The following PRKN variants were observed in gnomAD, a reference collection of about 807,000 sequenced individuals.
PRKN encodes parkin RBR E3 ubiquitin protein ligase.
PRKN carries 56 observed loss-of-function variants against 59.5 expected under a neutral mutation model. The observed-to-expected ratio is 0.94, with a 90% confidence interval of 0.76 to 1.18. The LOEUF is 1.18. Ranked by LOEUF, PRKN falls within the 50% of genes most tolerant of loss-of-function variation. The pLI is 0.00. For synonymous variants in PRKN, 250 were observed against 222.1 expected (o/e 1.13, Z -1.12); for missense variants, 657 against 596.4 (o/e 1.10, Z -1.06).
At chr6:162,357,316 G>T (rs1205377378) in intron 2 of PRKN, among the ~76,000 whole-genome samples, 1 of 152,090 alleles carries the variant, frequency 6.6e-6, no homozygotes, top group Non-Finnish European at 1.5e-5. Context: ...GGTCAAAAGA[G>T]TTAAGCAGAC....
intron 3 of PRKN, among the ~76,000 whole-genome samples, chr6:162,251,291 A>T (rs949056978): frequency 2.0e-4 from 30 of 152,302 alleles, no homozygotes; most frequent in South Asian, 8.3e-4. Context: ...AGACAGGAAA[A>T]CACTAGTACA....
Position 162,397,896 on chromosome 6 carries a change from G to T in PRKN, c.171+45414C>A, listed in dbSNP as rs142669505. On this transcript the variant is annotated intron_variant, in intron 2 of 11. Transcript: ENST00000366898. The stretch of plus-strand genomic sequence containing the variant: ...TAGTAAAAATACAAAAATTATCTGG[G>T]CATGGTGACTCCCACCTGTAAGCCA... 2.7e-4 allele frequency among the ~76,000 whole-genome samples: 41 copies of T among 152,028 alleles called. No homozygotes were observed. The East Asian group carries it at 7.8e-3, about 29-fold the overall frequency.
chr6:161,891,473 G>T (rs1290301369), intron 6 of PRKN, among the ~76,000 whole-genome samples: 1 of 152,154 alleles, frequency 6.6e-6, no homozygotes, highest in Admixed American at 6.5e-5. Context: ...GGTATCAAAG[G>T]TAAGTATTAG....
At chr6:161,843,973 C>T (rs184368978) in intron 6 of PRKN, among the ~76,000 whole-genome samples, 1 of 152,130 alleles carries the variant, frequency 6.6e-6, no homozygotes, top group Non-Finnish European at 1.5e-5. Flanking sequence ...TCCTCACCCT[C>T]TCTGTGAATT....
In PRKN at chr6:161,436,377, G is replaced by T. The variant is rs78308022; in HGVS notation, c.1084-49500C>A. Among the ~76,000 whole-genome samples, 1,138 of 125,748 alleles carry T rather than the reference G, an allele frequency of 9.0e-3. 14 individuals carry two copies. The highest frequency in any genetic ancestry group is 0.079 in the East Asian group (289 of 3,658). The allele number at this position is 125,748 out of a possible 152,430, so 82.5% of individuals were successfully genotyped here. A position where few individuals can be genotyped will look rare whatever the true frequency, so the allele number is the denominator to read the frequency against. ...TGCCCTCATCAGGTGGATTTCATTC[G>T]CTGGGATGGAAGAGGAGGCATGGCA... On this transcript the variant is annotated intron_variant, in intron 9 of 11. Transcript: ENST00000366898.
chr6:162,521,943 G>C (rs995925007), intron 1 of PRKN, among the ~76,000 whole-genome samples: 1 of 152,074 alleles, frequency 6.6e-6, no homozygotes, highest in African/African-American at 2.4e-5. Context: ...CAAATCATAG[G>C]AGGTTTGACG....
chr6:162,681,648 A>G (rs1403166426), intron 1 of PRKN, among the ~76,000 whole-genome samples: 2 of 152,152 alleles, frequency 1.3e-5, no homozygotes, highest in Non-Finnish European at 2.9e-5. Flanking sequence ...TGCAACTTTG[A>G]AACTTTAGCC....
intron 1 of PRKN, among the ~76,000 whole-genome samples, chr6:162,534,261 G>A (rs763022246): frequency 3.9e-5 from 6 of 152,106 alleles, no homozygotes; most frequent in Non-Finnish European, 8.8e-5. Flanking sequence ...CGGGGTAGGC[G>A]TACTCTCTAA....
At position 161,352,726 on chromosome 6, in the gene PRKN, A is replaced by AGTGTGTGTATGTGTGTGTGT. The variant is rs1554251118; in HGVS notation, c.1286-2516_1286-2515insACACACACACATACACACAC. On this transcript the variant is annotated intron_variant, in intron 11 of 11. Transcript: ENST00000366898. The surrounding 1 kb of genome is among the most constrained non-coding windows in gnomAD (Gnocchi z 5.8). Reference sequence around the variant, plus strand: ...TATATAAACACAAATATGTATGAAGAGTGTGTGTGTGTGTGTGTGTGTGTG... The same window carrying AGTGTGTGTATGTGTGTGTGT: ...TATATAAACACAAATATGTATGAAGAGTGTGTGTATGTGTGTGTGTGTGTGTGTGTGTGTGTGTGTGTGTG... 1.1e-4 allele frequency among the ~76,000 whole-genome samples: 14 copies of AGTGTGTGTATGTGTGTGTGT among 128,522 alleles called. No individual in the cohort carries two copies. The highest frequency in any genetic ancestry group is 1.5e-4 in the Admixed American group (2 of 13,144). 84.3% of individuals were successfully genotyped at this position (128,522 alleles called of 152,430 possible).
intron 4 of PRKN, among the ~76,000 whole-genome samples, chr6:162,188,777 CGTTT>C (rs904071649): frequency 5.7e-5 from 6 of 105,466 alleles, no homozygotes; most frequent in Non-Finnish European, 9.8e-5. Context: ...CCTTAGATTT[CGTTT>C]TTTTTTTTTT....
intron 9 of PRKN, among the ~76,000 whole-genome samples, chr6:161,521,710 T>C (rs1296608365): frequency 6.6e-6 from 1 of 152,154 alleles, no homozygotes; most frequent in East Asian, 1.9e-4. Context: ...GGTCTTCAGC[T>C]TGACCCATTT....
intron 1 of PRKN, chr6:162,624,261 A>C (rs906495010): frequency 6.6e-6 from 1 of 151,808 alleles, no homozygotes; most frequent in African/African-American, 2.4e-5. Flanking sequence ...AAAAAAAAAA[A>C]AACAAAAACC....
rs1779179714 is a variant in PRKN, at chr6:161,530,886, A to G, written c.1083+17968T>C. On this transcript the variant is annotated intron_variant, in intron 9 of 11. Coordinates refer to ENST00000366898, the MANE Select transcript of PRKN (RefSeq NM_004562.3). The surrounding 1 kb of genome is among the most constrained non-coding windows in gnomAD (Gnocchi z 5.0). Reference sequence around the variant, plus strand: ...TACTTCAGAGAACAGACCAATTTTTAGAGAGCTTCAACAATTTCTTTCTAA... The same window carrying G: ...TACTTCAGAGAACAGACCAATTTTTGGAGAGCTTCAACAATTTCTTTCTAA... Among the ~76,000 whole-genome samples, 1 of 152,180 alleles carries G rather than the reference A, an allele frequency of 6.6e-6. No individual in the cohort carries two copies. Among genetic ancestry groups the G allele is most frequent in the Non-Finnish European group, 1.5e-5 (1 of 68,020 alleles).
intron 1 of PRKN, among the ~76,000 whole-genome samples, chr6:162,620,850 A>C (rs907864714): frequency 2.0e-5 from 3 of 152,190 alleles, no homozygotes; most frequent in African/African-American, 7.2e-5. Flanking sequence ...CACTGTGCCC[A>C]GATATATATT....
At chr6:162,523,716 C>CA (rs1382620548) in intron 1 of PRKN, among the ~76,000 whole-genome samples, 1 of 151,468 alleles carries the variant, frequency 6.6e-6, no homozygotes, top group Non-Finnish European at 1.5e-5. Context: ...TTTATGGGGT[C>CA]AAAAAATCTA....
intron 2 of PRKN, among the ~76,000 whole-genome samples, chr6:162,431,192 A>C (rs990676750): frequency 8.4e-6 from 1 of 118,586 alleles, no homozygotes; most frequent in African/African-American, 4.1e-5. Context: ...AAAAAAAAAG[A>C]AAAAAATGGA....
chr6:161,567,061 G>T (rs941464), intron 8 of PRKN, among the ~76,000 whole-genome samples: 21 of 137,450 alleles, frequency 1.5e-4, no homozygotes, highest in Middle Eastern at 3.7e-3. Context: ...GTGTGTGTGA[G>T]AGAGGGTCAC....
chr6:162,154,267 C>T (rs869298), intron 4 of PRKN, among the ~76,000 whole-genome samples: 144,039 of 152,150 alleles, frequency 0.95, 68,530 homozygotes, highest in Non-Finnish European at 1. Flanking sequence ...CACAGCAAAG[C>T]CCATTCTAGA....
chr6:162,239,586 C>G (rs934208854), intron 3 of PRKN, among the ~76,000 whole-genome samples: 2 of 152,034 alleles, frequency 1.3e-5, no homozygotes, highest in African/African-American at 4.8e-5. Flanking sequence ...AGCGTCTCAA[C>G]TGCATGTCAG....
Sources: allele counts gnomAD v4.1 joint callset (sites outside exome capture counted in the v4.1 genomes callset), GRCh38; gene constraint gnomAD v4.1.1; non-coding constraint Gnocchi (gnomAD v3.1); transcripts MANE v1.5; gene names NCBI Gene and HGNC (gene_info 2026-07-23, HGNC 2026-07-21).